CCNJL: variants seen among roughly 807,000 people sequenced by gnomAD.
The protein encoded by CCNJL is cyclin-J-like protein.
A neutral mutation model predicts 33.4 loss-of-function variants in CCNJL; 33 were observed. The ratio of observed to expected loss-of-function variants is 0.99; its 90% confidence interval spans 0.75 to 1.32. CCNJL has a LOEUF of 1.32. CCNJL is among the 40% of genes most tolerant of loss of function. The pLI is 0.00. For synonymous variants in CCNJL, 227 were observed against 220.9 expected (o/e 1.03, Z -0.24); for missense variants, 512 against 499.7 (o/e 1.02, Z -0.23).
At chr5:160,331,467 G>A (rs951743195) in intron 1 of CCNJL, among the ~76,000 whole-genome samples, 6 of 151,650 alleles carry the variant, frequency 4.0e-5, no homozygotes, top group East Asian at 3.9e-4. Flanking sequence ...CTCGTGATCC[G>A]CCTGCCTCAG....
intron 2 of CCNJL, among the ~76,000 whole-genome samples, chr5:160,289,549 G>C (rs965127688): frequency 1.3e-5 from 2 of 151,964 alleles, no homozygotes; most frequent in African/African-American, 2.4e-5. Flanking sequence ...GAGCCATTCT[G>C]GGGGAAGGAG....
chr5:160,266,282 T>C (rs889078), intron 3 of CCNJL, among the ~76,000 whole-genome samples: 147,702 of 152,384 alleles, frequency 0.97, 71,615 homozygotes, highest in East Asian at 1. Context: ...GGGAGGCCAG[T>C]GTCCCAGGGG....
chr5:160,339,073 C>T (rs1763718139), intron 1 of CCNJL, among the ~76,000 whole-genome samples: 1 of 152,052 alleles, frequency 6.6e-6, no homozygotes, highest in African/African-American at 2.4e-5. Flanking sequence ...AGGCATGAGC[C>T]ACCGCACCCA....
intron 2 of CCNJL, among the ~76,000 whole-genome samples, chr5:160,296,302 G>GAGTCC (rs1762749263): frequency 6.6e-6 from 1 of 152,206 alleles, no homozygotes; most frequent in Non-Finnish European, 1.5e-5. Flanking sequence ...AGGGCAGAGG[G>GAGTCC]AGTCCTTCAA....
chr5:160,267,293 AC>A (rs1435335080), intron 3 of CCNJL, among the ~76,000 whole-genome samples: 2 of 151,972 alleles, frequency 1.3e-5, no homozygotes, highest in Non-Finnish European at 2.9e-5. Context: ...TCTGGCAACG[AC>A]CCTGGGAGGT....
chr5:160,331,117 G>A (rs1320218872), intron 1 of CCNJL, among the ~76,000 whole-genome samples: 1 of 151,664 alleles, frequency 6.6e-6, no homozygotes, highest in Non-Finnish European at 1.5e-5. Flanking sequence ...ATAACTCCTC[G>A]ACCACTCACC....
rs1329947389 is a variant in CCNJL, at chr5:160,250,571, G to C, written c.*2807C>G. The C allele has an allele frequency of 1.3e-5, 2 of 152,250 alleles. No individual in the cohort carries two copies. Among genetic ancestry groups the C allele is most frequent in the Non-Finnish European group, 2.9e-5 (2 of 68,046 alleles). The allele number at this position is 152,250 out of a possible 1,614,324, so 9.4% of individuals were successfully genotyped here. ...GGTTCTCCTGCTGGAAGCTGGGTAG[G>C]TAGAGGGCAAGACAGAAGTCTTGAG... On this transcript the variant is annotated 3_prime_UTR_variant, in exon 6 of 6. Transcript: ENST00000257536.
intron 2 of CCNJL, among the ~76,000 whole-genome samples, chr5:160,282,984 T>TATATATATATATATATATATATATAC (rs1425153567): frequency 2.1e-4 from 12 of 58,082 alleles, no homozygotes; most frequent in Admixed American, 3.8e-4. Flanking sequence ...TATATATATA[T>TATATATATATATATATATATATATAC]ATATATATAT....
intron 1 of CCNJL, among the ~76,000 whole-genome samples, chr5:160,319,062 A>T (rs1326025502): frequency 6.6e-6 from 1 of 152,192 alleles, no homozygotes; most frequent in Admixed American, 6.5e-5. Flanking sequence ...GTCCCACCTG[A>T]CTGCCATCCC....
chr5:160,320,803 T>TTC (rs1203857676), intron 1 of CCNJL, among the ~76,000 whole-genome samples: 1 of 71,150 alleles, frequency 1.4e-5, no homozygotes, highest in Non-Finnish European at 3.2e-5. Flanking sequence ...CTTTCTTTCT[T>TTC]TCTTTCTTTC....
chr5:160,250,644 G>A lies in CCNJL; in HGVS notation c.*2734C>T, dbSNP rs1337700916. ...TACGAATCTGACATTTTTCATAACA[G>A]CTGATGCTATATCTCATCAATTCTA... On this transcript the variant is annotated 3_prime_UTR_variant, in exon 6 of 6. Coordinates refer to ENST00000257536, the MANE Select transcript of CCNJL (RefSeq NM_001308173.3). The A allele has an allele frequency of 6.6e-6, 1 of 152,190 alleles. No homozygotes were observed. Among genetic ancestry groups the A allele is most frequent in the Admixed American group, 6.5e-5 (1 of 15,290 alleles). 9.4% of individuals were successfully genotyped at this position (152,190 alleles called of 1,614,324 possible).
At chr5:160,254,465 A>G in intron 5 of CCNJL, 1 of 498,330 alleles carries the variant, frequency 2.0e-6, no homozygotes, top group Non-Finnish European at 3.5e-6. Context: ...TCTCAAAAAC[A>G]CAAATTTTAA....
chr5:160,279,045 A>G (rs1762117667), intron 3 of CCNJL, among the ~76,000 whole-genome samples: 1 of 152,204 alleles, frequency 6.6e-6, no homozygotes, highest in Non-Finnish European at 1.5e-5. Context: ...ATCACGAACA[A>G]CAGCAGGTAA....
chr5:160,262,727 A>G (rs928692101), intron 3 of CCNJL, among the ~76,000 whole-genome samples: 2 of 152,252 alleles, frequency 1.3e-5, no homozygotes, highest in Admixed American at 6.5e-5. Context: ...AGCAGACTTC[A>G]GAGTTAACCT....
chr5:160,288,346 C>T (rs961729896), intron 2 of CCNJL, among the ~76,000 whole-genome samples: 1 of 151,988 alleles, frequency 6.6e-6, no homozygotes, highest in Non-Finnish European at 1.5e-5. Flanking sequence ...GACTAGATAC[C>T]CACTGTGTTA....
intron 1 of CCNJL, among the ~76,000 whole-genome samples, chr5:160,330,901 C>A (rs576776893): frequency 2.0e-5 from 3 of 152,170 alleles, no homozygotes; most frequent in Non-Finnish European, 4.4e-5. Flanking sequence ...GATCTGCCCA[C>A]CTTGGCCTCC....
chr5:160,268,177 C>T (rs1185782553), intron 3 of CCNJL, among the ~76,000 whole-genome samples: 2 of 152,210 alleles, frequency 1.3e-5, no homozygotes, highest in East Asian at 3.8e-4. Flanking sequence ...TTCTGAGGAA[C>T]CAGGGGAGAC....
chr5:160,261,827 G>C (rs1482549419), intron 3 of CCNJL, among the ~76,000 whole-genome samples: 1 of 152,192 alleles, frequency 6.6e-6, no homozygotes, highest in Non-Finnish European at 1.5e-5. Flanking sequence ...GCTGGCATCT[G>C]ACTCTAAGCC....
chr5:160,312,860 A>G (rs1260293045), upstream of CCNJL: 1 of 151,924 alleles, frequency 6.6e-6, no homozygotes, highest in Non-Finnish European at 1.5e-5. Context: ...GGACGCCCCC[A>G]GAAAGTTCTG....
Sources: gnomAD v4.1 joint callset for allele counts (sites outside exome capture counted in the v4.1 genomes callset) on GRCh38, gnomAD v4.1.1 for gene constraint, MANE v1.5 for transcripts, NCBI Gene and HGNC (gene_info 2026-07-23, HGNC 2026-07-21) for gene names.